The following CDK5RAP2 variants were observed in gnomAD, a reference collection of about 807,000 sequenced individuals.
CDK5RAP2 encodes the protein CDK5 regulatory subunit-associated protein 2.
A neutral mutation model predicts 232.9 loss-of-function variants in CDK5RAP2; 147 were observed. That is an observed-to-expected ratio of 0.63 (90% CI 0.55 to 0.72). The LOEUF is 0.72. CDK5RAP2 is among the 30% of genes least tolerant of loss of function. The pLI, the probability that CDK5RAP2 is intolerant of heterozygous loss-of-function variation, is 0.00. For missense variants in CDK5RAP2, 2,195 were observed against 2,231.5 expected (o/e 0.98, Z 0.33); for synonymous variants, 833 against 833.7 (o/e 1.00, Z 0.01).
intron 30 of CDK5RAP2, 42 bp from the exon 31 acceptor site, chr9:120,408,510 A>G (rs745739793): frequency 3.7e-6 from 6 of 1,612,516 alleles, no homozygotes; most frequent in Non-Finnish European, 5.1e-6. Flanking sequence ...GGTTAATTCT[A>G]CCTCAGGGTA....
intron 13 of CDK5RAP2, among the ~76,000 whole-genome samples, chr9:120,489,139 C>T (rs1343908555): frequency 6.6e-6 from 1 of 152,254 alleles, no homozygotes; most frequent in East Asian, 1.9e-4. Flanking sequence ...TTGGAAATCA[C>T]TTTTCCTCCA....
intron 3 of CDK5RAP2, among the ~76,000 whole-genome samples, chr9:120,556,086 G>A (rs191249985): frequency 3.9e-5 from 6 of 152,200 alleles, no homozygotes; most frequent in South Asian, 4.2e-4. Context: ...TTGATATTAC[G>A]GAACTGTTCT....
chr9:120,518,540 T>C lies in CDK5RAP2; in HGVS notation c.1198A>G (p.Ser400Gly), dbSNP rs779132204. 1 of 1,613,808 alleles carries C rather than the reference T, an allele frequency of 6.2e-7. No homozygotes were observed. Among genetic ancestry groups the C allele is most frequent in the East Asian group, 2.2e-5 (1 of 44,832 alleles). Residue 400 changes from serine (S) to glycine (G), a missense_variant, in exon 12 of 38, where the codon AGC becomes GGC. Physicochemically the swap from Ser to Gly is moderately conservative, Grantham distance 56. Transcript: ENST00000349780. ...AGCTCCTGGGTGATCTTCTTAATGC[T>C]TCTACGCAGTCTGTGGTTCTCTGTA... is the stretch of plus-strand genomic sequence containing the variant. ...KSTENHRLRRSIKKITQELSD... is the reference protein window; with the variant it reads ...KSTENHRLRRGIKKITQELSD...
intron 36 of CDK5RAP2, among the ~76,000 whole-genome samples, chr9:120,390,902 T>C (rs920760639): frequency 2.0e-5 from 3 of 152,192 alleles, no homozygotes; most frequent in Non-Finnish European, 2.9e-5. Context: ...ATTTGCAATC[T>C]GTGACACTGG....
chr9:120,490,998 AAGTATTTGC>A (rs1403966977), intron 13 of CDK5RAP2, among the ~76,000 whole-genome samples: 2 of 152,216 alleles, frequency 1.3e-5, no homozygotes, highest in Non-Finnish European at 2.9e-5. Flanking sequence ...AAGTAACAGG[AAGTATTTGC>A]AGTAGAAGAA....
intron 7 of CDK5RAP2, among the ~76,000 whole-genome samples, chr9:120,534,413 C>T (rs1291320214): frequency 6.6e-6 from 1 of 152,136 alleles, no homozygotes; most frequent in African/African-American, 2.4e-5. Context: ...TATGTTAACC[C>T]AGCATTGATC....
At chr9:120,529,717 A>G (rs2041062696) in intron 8 of CDK5RAP2, among the ~76,000 whole-genome samples, 1 of 152,194 alleles carries the variant, frequency 6.6e-6, no homozygotes, top group African/African-American at 2.4e-5. Flanking sequence ...GGTAACAACA[A>G]ATCAACACAT....
At chr9:120,496,187 C>A (rs2039217670) in intron 12 of CDK5RAP2, among the ~76,000 whole-genome samples, 99 of 122,714 alleles carry the variant, frequency 8.1e-4, no homozygotes, top group South Asian at 2.0e-3. Context: ...GCCAGCCGCC[C>A]TGTCCGGGAG....
Position 120,439,574 on chromosome 9 carries a change from CGT to C in CDK5RAP2, c.3545_3546del (p.His1182ArgfsTer13), listed in dbSNP as rs2131327802. Reference sequence around the variant, plus strand: ...GGGGCCAGCGGACCGAGGATTTTCACGTGTTTCACGTATCGCACTTGGTGCAA... The same window carrying C: ...GGGGCCAGCGGACCGAGGATTTTCACGTTTCACGTATCGCACTTGGTGCAA... ...SSLHQVRYVK[H>X]VKILGPLAPE... On this transcript the variant is annotated frameshift_variant, in exon 24 of 38. Transcript: ENST00000349780. LOFTEE classifies it high-confidence loss of function. 4 of 1,614,214 alleles carry C rather than the reference CGT, an allele frequency of 2.5e-6. No homozygotes were observed. The highest frequency in any genetic ancestry group is 3.4e-6 in the Non-Finnish European group (4 of 1,180,032).
chr9:120,482,339 T>C (rs2131590517), intron 14 of CDK5RAP2, among the ~76,000 whole-genome samples: 1 of 152,284 alleles, frequency 6.6e-6, no homozygotes, highest in Non-Finnish European at 1.5e-5. Context: ...GCTCTTTTCT[T>C]CTTTCTGGCA....
chr9:120,409,159 C>T lies in CDK5RAP2; in HGVS notation c.4572G>A (p.Gln1524=). ...GCTCCTGGCCGCTGCAGCGGACCTC[C>T]TGGATCAGCTGCTGGTTGTGTCTCT... ...EKERHNQQLI[Q]EVRCSGQELS... Residue 1524 remains glutamine, a synonymous_variant, in exon 30 of 38, where the codon CAG becomes CAA. Coordinates refer to ENST00000349780, the MANE Select transcript of CDK5RAP2 (RefSeq NM_018249.6). The T allele has an allele frequency of 6.2e-7, 1 of 1,612,948 alleles. No individual in the cohort carries two copies. The highest frequency in any genetic ancestry group is 1.1e-5 in the South Asian group (1 of 91,046).
chr9:120,445,754 T>G (rs534028990), intron 22 of CDK5RAP2, among the ~76,000 whole-genome samples: 1 of 152,244 alleles, frequency 6.6e-6, no homozygotes, highest in Non-Finnish European at 1.5e-5. Context: ...CTGGACCTGG[T>G]TGCTATGGCT....
intron 35 of CDK5RAP2, 127 bp downstream of exon 35, chr9:120,400,615 A>G (rs1356276442): frequency 2.6e-6 from 3 of 1,147,898 alleles, no homozygotes; most frequent in African/African-American, 3.0e-5. Flanking sequence ...AAACGGTGCC[A>G]TCTCCTCCCT....
At chr9:120,504,711 A>C (rs1446618946) in intron 12 of CDK5RAP2, among the ~76,000 whole-genome samples, 1 of 152,212 alleles carries the variant, frequency 6.6e-6, no homozygotes, top group Admixed American at 6.5e-5. Context: ...CAAGGCTCCT[A>C]CTAGTGGGCT....
At chr9:120,409,030 C>T (rs1428596004) in intron 30 of CDK5RAP2, 97 bp downstream of exon 30, 4 of 1,135,830 alleles carry the variant, frequency 3.5e-6, no homozygotes, top group Non-Finnish European at 2.6e-6. Context: ...TGCCACTGTG[C>T]ACTAAGGCAG....
chr9:120,452,739 C>T (rs2036544669), intron 21 of CDK5RAP2, among the ~76,000 whole-genome samples: 1 of 151,390 alleles, frequency 6.6e-6, no homozygotes, highest in Non-Finnish European at 1.5e-5. Context: ...AACATGCAAA[C>T]ATTCACTCAA....
At chr9:120,443,929 T>C (rs922587881) in intron 22 of CDK5RAP2, among the ~76,000 whole-genome samples, 187 bp from the exon 23 acceptor site, 12 of 152,216 alleles carry the variant, frequency 7.9e-5, no homozygotes, top group African/African-American at 2.9e-4. Context: ...ATAAATATAC[T>C]GCAGCTTGTC....
At chr9:120,536,999 T>C (rs1446031297) in intron 6 of CDK5RAP2, among the ~76,000 whole-genome samples, 2 of 148,982 alleles carry the variant, frequency 1.3e-5, no homozygotes, top group African/African-American at 2.5e-5. Flanking sequence ...AAAAAACAAC[T>C]GTATGTTCTT....
chr9:120,400,769 A>G lies in CDK5RAP2; in HGVS notation c.5424T>C (p.Asp1808=). The G allele has an allele frequency of 6.2e-7, 1 of 1,614,000 alleles. No homozygotes were observed. The highest frequency in any genetic ancestry group is 8.5e-7 in the Non-Finnish European group (1 of 1,180,032). The change falls in exon 35 of 38, where the codon GAT becomes GAC. Residue 1808 remains aspartate, a synonymous_variant. Transcript: ENST00000349780. ...KLLWRVSLPE[D]GQCPLHCEQI... ...GCTCACAGTGAAGGGGGCACTGGCC[A>G]TCCTCGGGGAGTGAGACTCTCCAGA...
Sources: allele counts gnomAD v4.1 joint callset (sites outside exome capture counted in the v4.1 genomes callset), GRCh38; gene constraint gnomAD v4.1.1; transcripts MANE v1.5; gene names NCBI Gene and HGNC (gene_info 2026-07-23, HGNC 2026-07-21).